CDH13: variants seen among roughly 807,000 people sequenced by gnomAD.
CDH13 encodes cadherin-13.
In CDH13, 24 loss-of-function variants were observed where a neutral mutation model predicts 63.8. The observed-to-expected ratio is 0.38, with a 90% confidence interval of 0.27 to 0.53. The LOEUF (loss-of-function observed/expected upper bound fraction) is 0.53. Among genes scored for constraint, CDH13 ranks in the 20% least tolerant of loss-of-function variants. The pLI, the probability that CDH13 is intolerant of heterozygous loss-of-function variation, is 0.85. For missense variants in CDH13, 1,049 were observed against 903.1 expected, an observed-to-expected ratio of 1.16 and a Z score of -2.07; for synonymous variants, 503 against 355.3, an observed-to-expected ratio of 1.42 and a Z score of -4.67.
In CDH13 at chr16:83,678,393, C is replaced by T; in HGVS notation, c.1470C>T (p.Leu490=). 1 of 1,614,034 alleles carries T rather than the reference C, an allele frequency of 6.2e-7. No individual in the cohort carries two copies. The highest frequency in any genetic ancestry group is 8.5e-7 in the Non-Finnish European group (1 of 1,179,900). Residue 490 remains leucine (L), a synonymous_variant, in exon 10 of 14, where the codon CTC becomes CTT. Coordinates refer to ENST00000567109, the MANE Select transcript of CDH13 (RefSeq NM_001257.5). The part of the protein sequence containing the change: ...DPMMVTRQED[L]SVGSVLLTVN... ...TGATGGTGACCAGGCAGGAGGACCT[C>T]TCTGTGGGCAGCGTGCTGCTGACAG...
At chr16:82,855,805 A>C (rs1224987620) in intron 1 of CDH13, among the ~76,000 whole-genome samples, 1 of 152,142 alleles carries the variant, frequency 6.6e-6, no homozygotes, top group Non-Finnish European at 1.5e-5. Context: ...GGCCAGCCAC[A>C]CGGTGAACCT....
intron 2 of CDH13, among the ~76,000 whole-genome samples, chr16:83,031,804 T>G (rs1916378908): frequency 2.6e-5 from 4 of 152,216 alleles, no homozygotes; most frequent in African/African-American, 9.6e-5. Context: ...AACATGCGAG[T>G]TCGTCAAGGA....
At position 83,371,358 on chromosome 16, in the gene CDH13, CA is replaced by C. The variant is rs369586560; in HGVS notation, c.781+26354del. Among the ~76,000 whole-genome samples, 714 of 152,282 alleles carry C rather than the reference CA, an allele frequency of 4.7e-3. 9 individuals are homozygous for C. The highest frequency in any genetic ancestry group is 0.017 in the African/African-American group (692 of 41,556). On this transcript the variant is annotated intron_variant, in intron 6 of 13. Coordinates refer to ENST00000567109, the MANE Select transcript of CDH13 (RefSeq NM_001257.5). ...AGTGGAGAAACATATCCAGGTCTCC[CA>C]ATCCTAATATGAGAGAATCCACTAT... is the stretch of plus-strand genomic sequence containing the variant.
chr16:83,562,695 C>G (rs776650688), intron 7 of CDH13, among the ~76,000 whole-genome samples: 2 of 152,198 alleles, frequency 1.3e-5, no homozygotes, highest in African/African-American at 2.4e-5. Flanking sequence ...CTGTTACCCA[C>G]ATGGAGGGTT....
At chr16:83,072,543 G>T (rs1000826820) in intron 3 of CDH13, among the ~76,000 whole-genome samples, 3 of 152,164 alleles carry the variant, frequency 2.0e-5, no homozygotes, top group African/African-American at 7.2e-5. Context: ...AGAGATGTTT[G>T]TGTGTTTTTG....
chr16:83,258,711 C>T (rs1240956172), intron 5 of CDH13, among the ~76,000 whole-genome samples: 1 of 152,192 alleles, frequency 6.6e-6, no homozygotes, highest in Non-Finnish European at 1.5e-5. Flanking sequence ...TTTAACATGA[C>T]ACCAACAGGG....
intron 3 of CDH13, among the ~76,000 whole-genome samples, chr16:83,055,029 C>T (rs1207916986): frequency 1.3e-5 from 2 of 151,552 alleles, no homozygotes; most frequent in Non-Finnish European, 2.9e-5. Context: ...AAATTAATAA[C>T]AAAAAAACTA....
At chr16:83,380,543 C>G (rs772061527) in intron 6 of CDH13, among the ~76,000 whole-genome samples, 8 of 152,160 alleles carry the variant, frequency 5.3e-5, no homozygotes, top group Non-Finnish European at 1.2e-4. Flanking sequence ...TGAGACATTT[C>G]TTTTTATCAC....
chr16:83,636,994 A>AT (rs1911322282), intron 8 of CDH13, among the ~76,000 whole-genome samples: 1 of 152,056 alleles, frequency 6.6e-6, no homozygotes, highest in Non-Finnish European at 1.5e-5. Context: ...TTTGATTTGC[A>AT]TTTCTCTGCT....
intron 5 of CDH13, among the ~76,000 whole-genome samples, chr16:83,238,452 C>A (rs1024173511): frequency 5.9e-5 from 9 of 152,208 alleles, no homozygotes; most frequent in African/African-American, 2.2e-4. Context: ...CCCACCAGGT[C>A]ACTCCCATGA....
rs941412154 is a variant in CDH13, at chr16:83,443,423, T to C, written c.782-43054T>C. Among the ~76,000 whole-genome samples, 8 of 152,252 alleles carry C rather than the reference T, an allele frequency of 5.3e-5. No homozygotes were observed. The East Asian group carries it at 1.5e-3, about 29-fold the overall frequency. On this transcript the variant is annotated intron_variant, in intron 6 of 13. Transcript: ENST00000567109. ...TGCGTGTTGAATGTTACGAAAAGGTTTGATTTATACATTTTTGACCTAAAT... is the reference window on the plus strand; with the variant it reads ...TGCGTGTTGAATGTTACGAAAAGGTCTGATTTATACATTTTTGACCTAAAT...
At chr16:83,316,637 G>A (rs547128118) in intron 5 of CDH13, among the ~76,000 whole-genome samples, 16 of 152,130 alleles carry the variant, frequency 1.1e-4, no homozygotes, top group Non-Finnish European at 1.6e-4. Flanking sequence ...GGTGAGATGC[G>A]TCACAGGCAG....
Position 83,602,107 on chromosome 16 carries a change from C to CAAAA in CDH13, c.961-314_961-311dup, listed in dbSNP as rs869202510. 3.0e-3 allele frequency among the ~76,000 whole-genome samples: 24 copies of CAAAA among 7,954 alleles called. 1 individual carries two copies. The highest frequency in any genetic ancestry group is 3.4e-3 in the Non-Finnish European group (18 of 5,366). 5.2% of individuals were successfully genotyped at this position (7,954 alleles called of 152,430 possible). A position where few individuals can be genotyped will look rare whatever the true frequency, so the allele number is the denominator to read the frequency against. ...CAAAAAAAAAAAAAAAGAACAACAA[C>CAAAA]AAAAAAAAAAAAAAAAAAAAAAAAA... On this transcript the variant is annotated intron_variant, in intron 7 of 13. Transcript: ENST00000567109.
At chr16:83,475,217 C>T (rs775164084) in intron 6 of CDH13, among the ~76,000 whole-genome samples, 3 of 152,218 alleles carry the variant, frequency 2.0e-5, no homozygotes, top group African/African-American at 2.4e-5. Flanking sequence ...GCAGGTCACA[C>T]GTTCATGAAG....
intron 1 of CDH13, among the ~76,000 whole-genome samples, chr16:82,786,455 T>C (rs79582043): frequency 1.1e-4 from 11 of 99,142 alleles, no homozygotes; most frequent in Admixed American, 4.3e-4. Flanking sequence ...TTTTTTTTTT[T>C]CCATAGTCTC....
chr16:82,827,822 G>A (rs2038326407), intron 1 of CDH13, among the ~76,000 whole-genome samples: 1 of 152,164 alleles, frequency 6.6e-6, no homozygotes, highest in Non-Finnish European at 1.5e-5. Context: ...GAGATTTATG[G>A]TGTAGGATGG....
intron 1 of CDH13, among the ~76,000 whole-genome samples, chr16:82,853,841 T>C (rs779630039): frequency 6.6e-6 from 1 of 152,218 alleles, no homozygotes; most frequent in Admixed American, 6.5e-5. Context: ...TTTGGAATGA[T>C]GCTCAGAGCA....
At chr16:83,622,992 A>C (rs1191221785) in intron 8 of CDH13, among the ~76,000 whole-genome samples, 1 of 152,172 alleles carries the variant, frequency 6.6e-6, no homozygotes, top group Non-Finnish European at 1.5e-5. Context: ...ATAAATTCAG[A>C]GTGCTTTGGG....
intron 5 of CDH13, among the ~76,000 whole-genome samples, chr16:83,266,837 A>C (rs895185490): frequency 2.0e-5 from 3 of 152,154 alleles, no homozygotes; most frequent in African/African-American, 7.2e-5. Context: ...GGTGAGGTCC[A>C]CACTCTTCAC....
Sources: allele counts gnomAD v4.1 joint callset (sites outside exome capture counted in the v4.1 genomes callset), GRCh38; gene constraint gnomAD v4.1.1; transcripts MANE v1.5; gene names NCBI Gene and HGNC (gene_info 2026-07-23, HGNC 2026-07-21).